The following CYB5R4 variants were observed in gnomAD, a reference collection of about 807,000 sequenced individuals.
CYB5R4 encodes cytochrome b5 reductase 4.
A neutral mutation model predicts 70.2 loss-of-function variants in CYB5R4; 55 were observed. The observed-to-expected ratio is 0.78, with a 90% CI of 0.63 to 0.98. The LOEUF (loss-of-function observed/expected upper bound fraction) is 0.98, where lower values mean the gene tolerates loss of function less well. Among genes scored for constraint, CYB5R4 ranks in the 50% least tolerant of loss-of-function variants. The pLI is 0.00. For missense variants in CYB5R4, 562 were observed against 612.6 expected, an observed-to-expected ratio of 0.92 and a Z score of 0.87; for synonymous variants, 197 against 199.5, an observed-to-expected ratio of 0.99 and a Z score of 0.11.
intron 10 of CYB5R4, among the ~76,000 whole-genome samples, chr6:83,924,824 T>C (rs1410486640): frequency 6.6e-6 from 1 of 152,200 alleles, no homozygotes; most frequent in Non-Finnish European, 1.5e-5. Context: ...TACGTAATGA[T>C]ACCTGAATGA....
rs756408496 is a variant in CYB5R4, at chr6:83,934,678, A to G, written c.898A>G (p.Ser300Gly). 1.2e-6 allele frequency: 2 copies of G among 1,613,702 alleles called. No homozygotes were observed. Among genetic ancestry groups the G allele is most frequent in the African/African-American group, 1.3e-5 (1 of 74,926 alleles). The change falls in exon 11 of 16, where the codon AGC becomes GGC. Residue 300 changes from serine to glycine, a missense_variant. Transcript: ENST00000369681. ...TRLFCLMLPP[S>G]THLQVPIGQH... ...GCTTTTCTGTTTGATGCTGCCACCA[A>G]GCACTCATCTTCAAGTGCCCATTGG... is the stretch of plus-strand genomic sequence containing the variant.
chr6:83,946,227 G>A (rs946220132), intron 14 of CYB5R4, among the ~76,000 whole-genome samples: 2 of 152,124 alleles, frequency 1.3e-5, no homozygotes, highest in African/African-American at 2.4e-5. Context: ...TTTCCACCAC[G>A]ATCAAGTGGG....
chr6:83,885,067 G>C (rs2099460048), intron 2 of CYB5R4, among the ~76,000 whole-genome samples: 1 of 152,024 alleles, frequency 6.6e-6, no homozygotes, highest in Non-Finnish European at 1.5e-5. Flanking sequence ...CAAAAATTAA[G>C]AAATGTAAAG....
At chr6:83,869,855 TGTTTA>T (rs1416515977) in intron 2 of CYB5R4, among the ~76,000 whole-genome samples, 1 of 152,094 alleles carries the variant, frequency 6.6e-6, no homozygotes, top group Non-Finnish European at 1.5e-5. Flanking sequence ...TTTTGAGGTC[TGTTTA>T]GTGCCATAAT....
At chr6:83,918,284 C>T (rs2099465818) in intron 6 of CYB5R4, among the ~76,000 whole-genome samples, 1 of 151,948 alleles carries the variant, frequency 6.6e-6, no homozygotes, top group Non-Finnish European at 1.5e-5. Flanking sequence ...CCATTTTAAA[C>T]ACCAATACTT....
At chr6:83,862,221 A>G (rs1363237164) in intron 1 of CYB5R4, among the ~76,000 whole-genome samples, 1 of 152,216 alleles carries the variant, frequency 6.6e-6, no homozygotes, top group Non-Finnish European at 1.5e-5. Flanking sequence ...TTTTATTCAG[A>G]TCTCACAGAC....
intron 3 of CYB5R4, among the ~76,000 whole-genome samples, chr6:83,908,537 C>G (rs2099464176): frequency 6.6e-6 from 1 of 152,168 alleles, no homozygotes; most frequent in Admixed American, 6.5e-5. Context: ...TTTTCTACTT[C>G]ATGAAGGATA....
chr6:83,928,658 A>G lies in CYB5R4; in HGVS notation c.814+4066A>G, dbSNP rs3778185. ...CAAATGGGTTAATTTTACCAGAGCAAGAAGTCTGAATTTTTTGGTCATAGA... is the reference window on the plus strand; with the variant it reads ...CAAATGGGTTAATTTTACCAGAGCAGGAAGTCTGAATTTTTTGGTCATAGA... On this transcript the variant is annotated intron_variant, in intron 10 of 15. Transcript: ENST00000369681. Among the ~76,000 whole-genome samples the G allele has an allele frequency of 1.3e-3, 198 of 152,334 alleles. 6 individuals carry two copies. In the East Asian group the frequency reaches 0.025, roughly 19 times the overall value.
At chr6:83,927,661 G>A (rs554456220) in intron 10 of CYB5R4, among the ~76,000 whole-genome samples, 1 of 152,210 alleles carries the variant, frequency 6.6e-6, no homozygotes, top group Admixed American at 6.5e-5. Flanking sequence ...CATGACCTCA[G>A]TGATTGCATC....
intron 15 of CYB5R4, among the ~76,000 whole-genome samples, chr6:83,956,717 G>GAAA (rs1350112314): frequency 6.6e-6 from 1 of 152,126 alleles, no homozygotes; most frequent in Non-Finnish European, 1.5e-5. Context: ...GCCATTTCAA[G>GAAA]ACATGGCAAA....
At chr6:83,938,962 G>A (rs2099469342) in intron 12 of CYB5R4, among the ~76,000 whole-genome samples, 1 of 151,898 alleles carries the variant, frequency 6.6e-6, no homozygotes, top group Admixed American at 6.6e-5. Flanking sequence ...AGCCTCCCAA[G>A]TAGATGGGAT....
At position 83,959,887 on chromosome 6, in the gene CYB5R4, T is replaced by C; in HGVS notation, c.*9T>C. On this transcript the variant is annotated 3_prime_UTR_variant, in exon 16 of 16. Coordinates refer to ENST00000369681, the MANE Select transcript of CYB5R4 (RefSeq NM_016230.4). ...ATAGTTTTACAGCATAATGAAGAGC[T>C]GTCATTGTCCTTTATTCAACTAGTT... 6.3e-7 allele frequency: 1 copy of C among 1,590,724 alleles called. No homozygotes were observed. The highest frequency in any genetic ancestry group is 8.6e-7 in the Non-Finnish European group (1 of 1,169,208).
At chr6:83,868,904 A>G (rs1346804012) in intron 2 of CYB5R4, among the ~76,000 whole-genome samples, 1 of 152,234 alleles carries the variant, frequency 6.6e-6, no homozygotes, top group African/African-American at 2.4e-5. Flanking sequence ...GGGTAAGGGA[A>G]GTGTGGCTTG....
chr6:83,960,121 T>C lies in CYB5R4; in HGVS notation c.*243T>C, dbSNP rs1429759990. On this transcript the variant is annotated 3_prime_UTR_variant, in exon 16 of 16. Transcript: ENST00000369681. ...TCATGGCAACAAATACATACAGGAT[T>C]CTTTGTTATGAATCACAAATTTCCT... 4 of 329,372 alleles carry C rather than the reference T, an allele frequency of 1.2e-5. No individual in the cohort carries two copies. Among genetic ancestry groups the C allele is most frequent in the African/African-American group, 8.7e-5 (4 of 46,030 alleles). 20.4% of individuals were successfully genotyped at this position (329,372 alleles called of 1,614,324 possible).
intron 15 of CYB5R4, among the ~76,000 whole-genome samples, chr6:83,957,433 C>A (rs887837949): frequency 7.2e-5 from 11 of 151,744 alleles, no homozygotes; most frequent in African/African-American, 2.7e-4. Flanking sequence ...CCAGCCTGGC[C>A]AACATGGTGA....
At chr6:83,926,062 T>C (rs2099467219) in intron 10 of CYB5R4, among the ~76,000 whole-genome samples, 1 of 152,220 alleles carries the variant, frequency 6.6e-6, no homozygotes, top group African/African-American at 2.4e-5. Flanking sequence ...TGTTTTTCAT[T>C]TGTTATGGTG....
intron 14 of CYB5R4, among the ~76,000 whole-genome samples, chr6:83,949,612 C>A (rs549421264): frequency 1.3e-5 from 2 of 152,260 alleles, no homozygotes; most frequent in African/African-American, 4.8e-5. Flanking sequence ...AGGTCCCAGT[C>A]TTCTACTCCA....
intron 7 of CYB5R4, among the ~76,000 whole-genome samples, 184 bp from the exon 8 acceptor site, chr6:83,920,898 T>C (rs2099466270): frequency 6.6e-6 from 1 of 152,140 alleles, no homozygotes; most frequent in Non-Finnish European, 1.5e-5. Context: ...AATTAAAATT[T>C]GGTGTGTCAA....
intron 4 of CYB5R4, 78 bp downstream of exon 4, chr6:83,909,168 G>GGTT (rs2099464284): frequency 2.6e-6 from 3 of 1,165,770 alleles, no homozygotes; most frequent in East Asian, 2.5e-5. Context: ...TAAACAACTA[G>GGTT]GTCTATACAA....
Sources: allele counts gnomAD v4.1 joint callset (sites outside exome capture counted in the v4.1 genomes callset), GRCh38; gene constraint gnomAD v4.1.1; transcripts MANE v1.5; gene names NCBI Gene and HGNC (gene_info 2026-07-23, HGNC 2026-07-21).